The following ZBTB1 variants were observed in gnomAD, a reference collection of about 807,000 sequenced individuals.
ZBTB1 encodes the protein zinc finger and BTB domain-containing protein 1.
A neutral mutation model predicts 51.6 loss-of-function variants in ZBTB1; 13 were observed. The ratio of observed to expected loss-of-function variants is 0.25; its 90% CI spans 0.16 to 0.40. The LOEUF (loss-of-function observed/expected upper bound fraction) is 0.40. ZBTB1 is among the 10% of genes least tolerant of loss of function. ZBTB1 has a pLI of 1.00. For missense variants in ZBTB1, 567 were observed against 856.5 expected (o/e 0.66, Z 4.22); for synonymous variants, 240 against 282.2 (o/e 0.85, Z 1.50).
At chr14:64,507,858 T>C (rs950375827) in intron 1 of ZBTB1, among the ~76,000 whole-genome samples, 13 of 152,170 alleles carry the variant, frequency 8.5e-5, no homozygotes, top group African/African-American at 2.9e-4. Context: ...TCATAATTTA[T>C]AATTAGGAAG....
intron 1 of ZBTB1, among the ~76,000 whole-genome samples, chr14:64,513,839 T>C (rs112062142): frequency 0.026 from 3,985 of 152,248 alleles, 166 homozygotes; most frequent in African/African-American, 0.09. Context: ...TTTTGTATTT[T>C]TGTAGAGACA....
chr14:64,505,091 C>T (rs1331556494), intron 1 of ZBTB1, 145 bp downstream of exon 1: 2 of 355,372 alleles, frequency 5.6e-6, no homozygotes, highest in East Asian at 8.4e-5. Context: ...TGCGAGGACC[C>T]GGTGACGGGC....
chr14:64,517,784 T>TTTG (rs2079809046), intron 1 of ZBTB1, among the ~76,000 whole-genome samples: 20 of 91,014 alleles, frequency 2.2e-4, no homozygotes, highest in Non-Finnish European at 3.4e-4. Flanking sequence ...TATATATATT[T>TTTG]TTTTTTTTTT....
rs1461731092 is a variant in ZBTB1 at position 64,523,657 on chromosome 14, A to G, written c.*11A>G. On this transcript the variant is annotated 3_prime_UTR_variant, in exon 2 of 2. Coordinates refer to ENST00000683701, the MANE Select transcript of ZBTB1 (RefSeq NM_001123329.2). This position sits in a 1 kb window ranked among gnomAD's most constrained non-coding sequence, Gnocchi z 4.5. ...TTGAAAAGAACCTGAGTGATTTTCT[A>G]CTGTACTAATGTTTAGATGATAGCA... The G allele has an allele frequency of 1.3e-6, 2 of 1,542,696 alleles. No homozygotes were observed. Among genetic ancestry groups the G allele is most frequent in the Non-Finnish European group, 1.8e-6 (2 of 1,142,678 alleles).
chr14:64,528,243 T>C (rs998766447), downstream of ZBTB1, among the ~76,000 whole-genome samples: 4 of 151,954 alleles, frequency 2.6e-5, no homozygotes, highest in African/African-American at 9.7e-5. Context: ...AAGAAAAAAA[T>C]CTGAGTGTAT....
chr14:64,505,719 A>C (rs2079643905), intron 1 of ZBTB1, among the ~76,000 whole-genome samples: 1 of 152,182 alleles, frequency 6.6e-6, no homozygotes, highest in South Asian at 2.1e-4. Context: ...CATTTTCTAA[A>C]TTGGGCGAAT....
At chr14:64,527,065 C>T (rs149584041), downstream of ZBTB1, among the ~76,000 whole-genome samples, 7 of 151,202 alleles carry the variant, frequency 4.6e-5, no homozygotes, top group East Asian at 2.0e-4. Flanking sequence ...TTAGAAATGA[C>T]GCACATGGGT....
At chr14:64,504,138 G>A (rs2079593566), upstream of ZBTB1, 3 of 152,872 alleles carry the variant, frequency 2.0e-5, no homozygotes, top group South Asian at 6.2e-4. Flanking sequence ...GGGAAGGGAT[G>A]AGGGCGCGGG....
Position 64,524,769 on chromosome 14 carries a change from A to T in ZBTB1, c.*1123A>T. 1 of 981,212 alleles carries T rather than the reference A, an allele frequency of 1.0e-6. No homozygotes were observed. The highest frequency in any genetic ancestry group is 1.2e-6 in the Non-Finnish European group (1 of 826,108). The allele number at this position is 981,212 out of a possible 1,614,324, so 60.8% of individuals were successfully genotyped here. ...ATATTTTATTATCATTTTTTTCTGTAAAAGACTATAAAACTTGAGGATTAT... is the reference window on the plus strand; with the variant it reads ...ATATTTTATTATCATTTTTTTCTGTTAAAGACTATAAAACTTGAGGATTAT... On this transcript the variant is annotated 3_prime_UTR_variant, in exon 2 of 2. Transcript: ENST00000683701.
In ZBTB1 at chr14:64,521,904, CAG is replaced by C; in HGVS notation, c.402_403del (p.Asn135GlnfsTer11). 1 of 1,614,048 alleles carries C rather than the reference CAG, an allele frequency of 6.2e-7. No individual in the cohort carries two copies. Among genetic ancestry groups the C allele is most frequent in the Non-Finnish European group, 8.5e-7 (1 of 1,180,040 alleles). On this transcript the variant is annotated frameshift_variant, in exon 2 of 2. Coordinates refer to ENST00000683701, the MANE Select transcript of ZBTB1 (RefSeq NM_001123329.2). LOFTEE classifies it high-confidence loss of function. Reference protein sequence around the residue: ...SKCSSSASSKQNSKMIFGVRM... With the variant: ...SKCSSSASSKXNSKMIFGVRM... ...ATGTTCCTCTTCTGCTTCCAGCAAACAGAACAGCAAAATGATATTTGGGGTAA... is the reference window on the plus strand; with the variant it reads ...ATGTTCCTCTTCTGCTTCCAGCAAACAACAGCAAAATGATATTTGGGGTAA...
At chr14:64,529,839 C>A (rs143836736), downstream of ZBTB1, among the ~76,000 whole-genome samples, 1 of 152,170 alleles carries the variant, frequency 6.6e-6, no homozygotes, top group African/African-American at 2.4e-5. Context: ...TCCCCAGTTA[C>A]CATAGGTGAT....
chr14:64,522,597 C>T lies in ZBTB1; in HGVS notation c.1093C>T (p.Pro365Ser). Residue 365 changes from proline to serine, a missense_variant, in exon 2 of 2, where the codon CCT becomes TCT. This residue lies in a region of ZBTB1 where 329 missense variants were observed against 406.3 expected (regional missense o/e 0.81). Coordinates refer to ENST00000683701, the MANE Select transcript of ZBTB1 (RefSeq NM_001123329.2). ...STDNDELEDE[P>S]EEPFYRYYVE... ...TGACAATGATGAATTAGAAGATGAA[C>T]CTGAAGAGCCATTTTATAGATACTA... The T allele has an allele frequency of 6.2e-7, 1 of 1,613,772 alleles. No individual in the cohort carries two copies. Among genetic ancestry groups the T allele is most frequent in the South Asian group, 1.1e-5 (1 of 91,030 alleles).
chr14:64,527,588 G>GTGAC (rs2079912984), downstream of ZBTB1, among the ~76,000 whole-genome samples: 1 of 151,898 alleles, frequency 6.6e-6, no homozygotes, highest in African/African-American at 2.4e-5. Flanking sequence ...TCCAGCCTGA[G>GTGAC]TGACAGAGCG....
intron 2 of ZBTB1, chr14:64,531,792 G>A: frequency 1.3e-6 from 2 of 1,589,558 alleles, no homozygotes; most frequent in Non-Finnish European, 8.6e-7. Flanking sequence ...TAAGAATTAT[G>A]TTGTATCTTG....
intron 1 of ZBTB1, chr14:64,514,297 T>C (rs890890803): frequency 6.6e-5 from 10 of 152,216 alleles, no homozygotes; most frequent in African/African-American, 2.4e-4. Context: ...ATTGGGGTGC[T>C]GAATTGGGAC....
intron 2 of ZBTB1, chr14:64,531,778 G>T: frequency 6.4e-7 from 1 of 1,561,514 alleles, no homozygotes; most frequent in South Asian, 1.1e-5. Context: ...AAGAAATTCT[G>T]ATCTAAGAAT....
intron 1 of ZBTB1, among the ~76,000 whole-genome samples, chr14:64,513,754 A>G (rs986425115): frequency 2.6e-5 from 4 of 152,116 alleles, no homozygotes; most frequent in Non-Finnish European, 5.9e-5. Context: ...CTCTGCCTCC[A>G]GGTTCAAGCG....
In ZBTB1 at chr14:64,524,774, A is replaced by G. The variant is rs2079891062; in HGVS notation, c.*1128A>G. 1 of 981,516 alleles carries G rather than the reference A, an allele frequency of 1.0e-6. No homozygotes were observed. Among genetic ancestry groups the G allele is most frequent in the African/African-American group, 1.7e-5 (1 of 57,154 alleles). 60.8% of individuals were successfully genotyped at this position (981,516 alleles called of 1,614,324 possible). A position where few individuals can be genotyped will look rare whatever the true frequency, so the allele number is the denominator to read the frequency against. On this transcript the variant is annotated 3_prime_UTR_variant, in exon 2 of 2. Coordinates refer to ENST00000683701, the MANE Select transcript of ZBTB1 (RefSeq NM_001123329.2). ...TTATTATCATTTTTTTCTGTAAAAG[A>G]CTATAAAACTTGAGGATTATAAAAT...
At chr14:64,525,471 C>T (rs1442956899), downstream of ZBTB1, among the ~76,000 whole-genome samples, 2 of 152,092 alleles carry the variant, frequency 1.3e-5, no homozygotes, top group Non-Finnish European at 2.9e-5. Context: ...TTCTCTAACC[C>T]AGAGACCATC....
Sources: gnomAD v4.1 joint callset for allele counts (sites outside exome capture counted in the v4.1 genomes callset) on GRCh38, gnomAD v4.1.1 for gene constraint, gnomAD v4.1.1 regional missense constraint, Gnocchi (gnomAD v3.1) non-coding constraint, MANE v1.5 for transcripts, NCBI Gene and HGNC (gene_info 2026-07-23, HGNC 2026-07-21) for gene names.